HDAC9: variants seen among roughly 807,000 people sequenced by gnomAD.
HDAC9 encodes MEF-2 interacting transcription repressor (MITR) protein.
A neutral mutation model predicts 139.4 loss-of-function variants in HDAC9; 41 were observed. The ratio of observed to expected loss-of-function variants is 0.29; its 90% CI spans 0.23 to 0.38. The LOEUF (loss-of-function observed/expected upper bound fraction) is 0.38. Ranked by LOEUF, HDAC9 falls within the 10% of genes least tolerant of loss-of-function variation. The pLI, the probability that HDAC9 is intolerant of heterozygous loss-of-function variation, is 1.00. For missense variants in HDAC9, 1,147 were observed against 1,297.0 expected, an observed-to-expected ratio of 0.88 and a Z score of 1.78; for synonymous variants, 517 against 476.2, an observed-to-expected ratio of 1.09 and a Z score of -1.12.
chr7:18,716,887 C>G (rs1048919680), intron 12 of HDAC9, among the ~76,000 whole-genome samples: 1 of 151,842 alleles, frequency 6.6e-6, no homozygotes, highest in Admixed American at 6.6e-5. Flanking sequence ...TTGTAGCATT[C>G]AGCTACCAAC....
At chr7:18,532,237 C>T (rs1809256869) in intron 2 of HDAC9, among the ~76,000 whole-genome samples, 1 of 152,066 alleles carries the variant, frequency 6.6e-6, no homozygotes, top group Non-Finnish European at 1.5e-5. Context: ...GAGACGCCAT[C>T]TCAGAACAAC....
intron 17 of HDAC9, among the ~76,000 whole-genome samples, chr7:18,812,463 G>C (rs1794249363): frequency 6.6e-6 from 1 of 151,782 alleles, no homozygotes; most frequent in African/African-American, 2.4e-5. Context: ...ATAAAACTAT[G>C]TTGACAGTTA....
At chr7:18,955,956 C>T (rs1783117522) in intron 24 of HDAC9, among the ~76,000 whole-genome samples, 1 of 152,140 alleles carries the variant, frequency 6.6e-6, no homozygotes, top group Non-Finnish European at 1.5e-5. Context: ...TTTAGAAACT[C>T]TACTGTTGCC....
chr7:18,199,637 T>C (rs992227997), intron 2 of HDAC9, among the ~76,000 whole-genome samples: 19 of 151,004 alleles, frequency 1.3e-4, no homozygotes, highest in Admixed American at 7.3e-4. Context: ...ATAAAAAAAT[T>C]AGTTGGGCGT....
At chr7:18,967,506 CA>C (rs777814332) in intron 24 of HDAC9, among the ~76,000 whole-genome samples, 4,392 of 119,130 alleles carry the variant, frequency 0.037, 216 homozygotes, top group East Asian at 0.099. Context: ...GCCCCCCCCC[CA>C]AAAAAAAAAA....
intron 2 of HDAC9, among the ~76,000 whole-genome samples, chr7:18,521,130 C>G (rs1157965170): frequency 6.6e-6 from 1 of 152,088 alleles, no homozygotes; most frequent in Non-Finnish European, 1.5e-5. Flanking sequence ...GATCTGGAAT[C>G]CAATTAGGAA....
At chr7:18,227,010 G>A (rs145296034) in intron 2 of HDAC9, among the ~76,000 whole-genome samples, 68 of 152,280 alleles carry the variant, frequency 4.5e-4, no homozygotes, top group African/African-American at 1.5e-3. Flanking sequence ...GCAAGGAAAG[G>A]AGGTTTGTGG....
intron 25 of HDAC9, among the ~76,000 whole-genome samples, chr7:18,983,813 T>C (rs1244117124): frequency 4.6e-5 from 7 of 152,186 alleles, no homozygotes; most frequent in Non-Finnish European, 8.8e-5. Flanking sequence ...TATTTCATTG[T>C]GGATTCAGTT....
At chr7:18,183,252 G>A (rs4721699) in intron 2 of HDAC9, among the ~76,000 whole-genome samples, 23,895 of 152,044 alleles carry the variant, frequency 0.16, 2,317 homozygotes, top group East Asian at 0.32. Flanking sequence ...CTCGTGATCC[G>A]CCCGCCTCGG....
intron 11 of HDAC9, 47 bp from the exon 12 acceptor site, chr7:18,666,166 A>T: frequency 6.5e-7 from 1 of 1,531,618 alleles, no homozygotes; most frequent in Non-Finnish European, 8.8e-7. Flanking sequence ...CTTCTCTGTT[A>T]CCATGAAGAA....
chr7:18,129,837 A>AT (rs1784894469), intron 1 of HDAC9, among the ~76,000 whole-genome samples: 1 of 152,170 alleles, frequency 6.6e-6, no homozygotes, highest in Non-Finnish European at 1.5e-5. Context: ...ACACAAATGA[A>AT]TATGTAATGG....
At chr7:18,902,625 CA>C (rs1200177874) in intron 22 of HDAC9, among the ~76,000 whole-genome samples, 1 of 152,028 alleles carries the variant, frequency 6.6e-6, no homozygotes, top group East Asian at 1.9e-4. Context: ...TTGACAAGGG[CA>C]GGGGGAAATG....
chr7:18,644,714 T>C lies in HDAC9; in HGVS notation c.956T>C (p.Met319Thr). 1 of 1,612,234 alleles carries C rather than the reference T, an allele frequency of 6.2e-7. No homozygotes were observed. The highest frequency in any genetic ancestry group is 1.7e-4 in the Middle Eastern group (1 of 6,050). The change falls in exon 9 of 26, where the codon ATG becomes ACG. Residue 319 changes from methionine to threonine, a missense_variant. Around this residue, in one of 7 missense-constraint regions of HDAC9, gnomAD observed 264 missense variants for 273.8 expected, o/e 0.96. Coordinates refer to ENST00000686413, the MANE Select transcript of HDAC9 (RefSeq NM_178425.4). ...QQRILIHEDS[M>T]NLLSLYTSPS... ...CGCATTCTAATTCATGAAGATTCCA[T>C]GAACCTGCTAAGTCTTTATACCTCT...
At chr7:18,263,320 A>G (rs1342630434) in intron 2 of HDAC9, among the ~76,000 whole-genome samples, 1 of 152,090 alleles carries the variant, frequency 6.6e-6, no homozygotes, top group Admixed American at 6.6e-5. Flanking sequence ...TGATATACCA[A>G]TTTTCTCATA....
chr7:18,644,948 T>C (rs1325930944), intron 9 of HDAC9, among the ~76,000 whole-genome samples, 155 bp downstream of exon 9: 1 of 152,164 alleles, frequency 6.6e-6, no homozygotes, highest in East Asian at 1.9e-4. Flanking sequence ...TTCAAAGACA[T>C]TCAGTCTAAT....
intron 1 of HDAC9, among the ~76,000 whole-genome samples, chr7:18,369,085 C>T (rs1304308221): frequency 6.6e-6 from 1 of 152,016 alleles, no homozygotes; most frequent in Admixed American, 6.6e-5. Context: ...TCCTTTTGCT[C>T]TACTTCAGGA....
intron 12 of HDAC9, among the ~76,000 whole-genome samples, chr7:18,674,893 G>C (rs963021912): frequency 6.6e-6 from 1 of 151,766 alleles, no homozygotes; most frequent in African/African-American, 2.4e-5. Flanking sequence ...TTATTTAACA[G>C]TACTCACACC....
intron 1 of HDAC9, among the ~76,000 whole-genome samples, chr7:18,468,168 T>C (rs1794445838): frequency 6.6e-6 from 1 of 152,136 alleles, no homozygotes; most frequent in Admixed American, 6.6e-5. Context: ...TCTCCCTTTT[T>C]ATACTCCACT....
At chr7:18,241,357 T>C (rs1479130678) in intron 2 of HDAC9, among the ~76,000 whole-genome samples, 1 of 152,198 alleles carries the variant, frequency 6.6e-6, no homozygotes, top group African/African-American at 2.4e-5. Context: ...ATAGCCTTCC[T>C]TGGTGTTAAA....
Sources: gnomAD v4.1 joint callset for allele counts (sites outside exome capture counted in the v4.1 genomes callset) on GRCh38, gnomAD v4.1.1 for gene constraint, gnomAD v4.1.1 regional missense constraint, MANE v1.5 for transcripts, NCBI Gene and HGNC (gene_info 2026-07-23, HGNC 2026-07-21) for gene names.